LRRC37A2: variants seen among roughly 807,000 people sequenced by gnomAD.
LRRC37A2 encodes the protein leucine rich repeat containing 37 member A2.
LRRC37A2 carries 9 observed loss-of-function variants against 68.8 expected under a neutral mutation model. That is an observed-to-expected ratio of 0.13 (90% confidence interval 0.08 to 0.23). The LOEUF (loss-of-function observed/expected upper bound fraction) is 0.23. Among genes scored for constraint, LRRC37A2 ranks in the 10% least tolerant of loss-of-function variants. The pLI is 1.00. For missense variants in LRRC37A2, 168 were observed against 950.4 expected (o/e 0.18, Z 10.82); for synonymous variants, 63 against 367.6 (o/e 0.17, Z 9.48).
the LRRC37A2 span, among the ~76,000 whole-genome samples, chr17:46,771,756 C>A: frequency 2.8e-5 from 1 of 36,058 alleles, no homozygotes; most frequent in East Asian, 1.4e-3. Context: ...CGGCGCCCCC[C>A]GCCCCCGCGC....
the LRRC37A2 span, chr17:46,929,717 A>C: frequency 3.0e-6 from 2 of 663,780 alleles, no homozygotes; most frequent in Non-Finnish European, 5.5e-6. Context: ...TAGGGTGGAC[A>C]GAAAAACCCT....
the LRRC37A2 span, among the ~76,000 whole-genome samples, chr17:46,743,005 C>G: frequency 6.6e-6 from 1 of 152,166 alleles, no homozygotes; most frequent in South Asian, 2.1e-4. Context: ...ATTTCCTCCT[C>G]AGAAGTTGCT....
At chr17:46,595,601 C>G in the LRRC37A2 span, among the ~76,000 whole-genome samples, 2 of 131,062 alleles carry the variant, frequency 1.5e-5, no homozygotes, top group African/African-American at 7.3e-5. Context: ...AAGCGATTCT[C>G]CCGCCTCAGC....
At chr17:46,896,418 G>GAA in the LRRC37A2 span, among the ~76,000 whole-genome samples, 4 of 89,250 alleles carry the variant, frequency 4.5e-5, no homozygotes, top group South Asian at 1.5e-3. Context: ...AAGAAAGAAA[G>GAA]AAAGAAAGAA....
chr17:46,770,835 A>G, the LRRC37A2 span, among the ~76,000 whole-genome samples: 1 of 152,182 alleles, frequency 6.6e-6, no homozygotes, highest in African/African-American at 2.4e-5. Context: ...CATGTGCTTC[A>G]TTCACATGGA....
At chr17:46,946,398 T>C in the LRRC37A2 span, among the ~76,000 whole-genome samples, 1 of 141,362 alleles carries the variant, frequency 7.1e-6, no homozygotes, top group Admixed American at 7.1e-5. Context: ...GAGGCGGAGG[T>C]TGCAGTGAGC....
chr17:46,610,061 T>TTC, the LRRC37A2 span, among the ~76,000 whole-genome samples: 1 of 136,216 alleles, frequency 7.3e-6, no homozygotes, highest in African/African-American at 2.7e-5. Context: ...CTTTCTTTCT[T>TTC]TCTTTCCTTT....
At chr17:46,774,171 C>T in the LRRC37A2 span, among the ~76,000 whole-genome samples, 1 of 152,204 alleles carries the variant, frequency 6.6e-6, no homozygotes, top group Non-Finnish European at 1.5e-5. Flanking sequence ...CCCTTGGGGG[C>T]AATGCAAAGC....
the LRRC37A2 span, among the ~76,000 whole-genome samples, chr17:46,981,106 G>A: frequency 6.6e-6 from 1 of 152,230 alleles, no homozygotes; most frequent in Admixed American, 6.5e-5. Flanking sequence ...AATAATGCAG[G>A]CAAAAGATGC....
the LRRC37A2 span, chr17:46,726,636 T>G: frequency 1.2e-6 from 2 of 1,604,464 alleles, no homozygotes; most frequent in Non-Finnish European, 1.7e-6. Context: ...ACTTCTGCTG[T>G]TGTATTATCT....
At chr17:46,822,243 C>T in the LRRC37A2 span, among the ~76,000 whole-genome samples, 8 of 151,872 alleles carry the variant, frequency 5.3e-5, no homozygotes, top group African/African-American at 1.9e-4. Context: ...TAGGCGAGCT[C>T]CCTAGAGGCC....
At chr17:46,890,490 C>G in the LRRC37A2 span, among the ~76,000 whole-genome samples, 2 of 152,184 alleles carry the variant, frequency 1.3e-5, no homozygotes, top group African/African-American at 4.8e-5. Flanking sequence ...ATCCCAGGAC[C>G]CTCGAGGTAG....
At chr17:46,864,825 G>A in the LRRC37A2 span, among the ~76,000 whole-genome samples, 135 of 152,162 alleles carry the variant, frequency 8.9e-4, no homozygotes, top group Non-Finnish European at 1.6e-3. Flanking sequence ...GTGGCCACCG[G>A]AGACCTGCAC....
chr17:46,961,617 A>G, the LRRC37A2 span, among the ~76,000 whole-genome samples: 1 of 152,226 alleles, frequency 6.6e-6, no homozygotes, highest in Admixed American at 6.5e-5. Flanking sequence ...TATATTAGTG[A>G]TCACAATAAA....
chr17:46,848,186 T>C, the LRRC37A2 span, among the ~76,000 whole-genome samples: 90 of 152,082 alleles, frequency 5.9e-4, no homozygotes, highest in Admixed American at 1.8e-3. Flanking sequence ...GGGGGAACAG[T>C]GGGGGTCTGT....
At chr17:47,046,319 TG>T in the LRRC37A2 span, among the ~76,000 whole-genome samples, 1 of 105,788 alleles carries the variant, frequency 9.5e-6, no homozygotes, top group Admixed American at 1.0e-4. Flanking sequence ...TATTTCAGCC[TG>T]GGTGACAAAA....
chr17:46,933,577 C>T, the LRRC37A2 span: 1 of 150,246 alleles, frequency 6.7e-6, no homozygotes, highest in Non-Finnish European at 1.5e-5. Flanking sequence ...CAGTTGAAAA[C>T]ACGTATGTGC....
the LRRC37A2 span, among the ~76,000 whole-genome samples, chr17:46,831,159 AC>A: frequency 1.3e-5 from 2 of 152,218 alleles, no homozygotes; most frequent in African/African-American, 2.4e-5. Context: ...GGAACATGGG[AC>A]AACAGAGCTG....
At chr17:46,950,413 T>A in the LRRC37A2 span, among the ~76,000 whole-genome samples, 1 of 152,112 alleles carries the variant, frequency 6.6e-6, no homozygotes, top group Non-Finnish European at 1.5e-5. Flanking sequence ...GGGGAGAAGA[T>A]GAAGTTGCTA....
Sources: allele counts gnomAD v4.1 joint callset (sites outside exome capture counted in the v4.1 genomes callset), GRCh38; gene constraint gnomAD v4.1.1; transcripts MANE v1.5; gene names NCBI Gene and HGNC (gene_info 2026-07-23, HGNC 2026-07-21).